The following DNAJB14 variants were observed in gnomAD, a reference collection of about 807,000 sequenced individuals.
The protein encoded by DNAJB14 is dnaJ homolog subfamily B member 14.
In DNAJB14, 22 loss-of-function variants were observed where a neutral mutation model predicts 48.4. The ratio of observed to expected loss-of-function variants is 0.45; its 90% CI spans 0.32 to 0.65. The LOEUF (loss-of-function observed/expected upper bound fraction) is 0.65. DNAJB14 is among the 30% of genes least tolerant of loss of function. The pLI is 0.03. For missense variants in DNAJB14, 319 were observed against 458.8 expected (o/e 0.70, Z 2.78); for synonymous variants, 142 against 158.7 (o/e 0.89, Z 0.79).
rs945884228 is a variant in DNAJB14 at position 99,896,915 on chromosome 4, A to C, written c.*4113T>G. ...CATCCCAGTTTTTACTAACTTACTA[A>C]ACAAGGACATTTCAAGAAATACTTC... On this transcript the variant is annotated 3_prime_UTR_variant, in exon 8 of 8. Transcript: ENST00000442697. 1 of 152,126 alleles carries C rather than the reference A, an allele frequency of 6.6e-6. No homozygotes were observed. Among genetic ancestry groups the C allele is most frequent in the Admixed American group, 6.5e-5 (1 of 15,276 alleles). 9.4% of individuals were successfully genotyped at this position (152,126 alleles called of 1,614,324 possible). A position where few individuals can be genotyped will look rare whatever the true frequency, so the allele number is the denominator to read the frequency against.
intron 3 of DNAJB14, among the ~76,000 whole-genome samples, chr4:99,917,539 C>A (rs1301560950): frequency 6.6e-6 from 1 of 152,184 alleles, no homozygotes; most frequent in Non-Finnish European, 1.5e-5. Context: ...AACATATGAA[C>A]TTTGGGGCAC....
intron 3 of DNAJB14, among the ~76,000 whole-genome samples, chr4:99,913,390 G>A (rs1725735322): frequency 6.6e-6 from 1 of 152,100 alleles, no homozygotes; most frequent in Non-Finnish European, 1.5e-5. Context: ...TCATGAATGG[G>A]TGGTGAAATG....
intron 3 of DNAJB14, among the ~76,000 whole-genome samples, chr4:99,913,274 A>T (rs1200554759): frequency 6.6e-6 from 1 of 152,164 alleles, no homozygotes; most frequent in Non-Finnish European, 1.5e-5. Flanking sequence ...ATAGGGGAAA[A>T]GCATTCAGTC....
rs933586173 is a variant in DNAJB14, at chr4:99,900,216, G to A, written c.*812C>T. ...TTCAAGGACATATACATCAAAATTT[G>A]GTGGCCTTTAAAGTATTGGAATTTT... On this transcript the variant is annotated 3_prime_UTR_variant, in exon 8 of 8. Transcript: ENST00000442697. The A allele has an allele frequency of 2.0e-5, 3 of 152,034 alleles. No homozygotes were observed. Among genetic ancestry groups the A allele is most frequent in the Non-Finnish European group, 4.4e-5 (3 of 67,810 alleles). 9.4% of individuals were successfully genotyped at this position (152,034 alleles called of 1,614,324 possible).
intron 1 of DNAJB14, among the ~76,000 whole-genome samples, 174 bp from the exon 2 acceptor site, chr4:99,930,795 A>C (rs897503896): frequency 3.9e-5 from 6 of 152,204 alleles, no homozygotes; most frequent in Non-Finnish European, 5.9e-5. Flanking sequence ...ACAGAACACT[A>C]ATCACCATCT....
chr4:99,942,761 C>T (rs1292043872), intron 1 of DNAJB14, among the ~76,000 whole-genome samples: 1 of 152,004 alleles, frequency 6.6e-6, no homozygotes, highest in Non-Finnish European at 1.5e-5. Context: ...TTTAAGAGGA[C>T]AAAAATCCTG....
At chr4:99,906,871 GGTTTT>G (rs1408547693) in intron 4 of DNAJB14, among the ~76,000 whole-genome samples, 1 of 151,966 alleles carries the variant, frequency 6.6e-6, no homozygotes, top group Admixed American at 6.6e-5. Context: ...CACACATAGA[GGTTTT>G]TATAAACCTC....
intron 1 of DNAJB14, among the ~76,000 whole-genome samples, chr4:99,940,166 A>G (rs1726837381): frequency 6.6e-6 from 1 of 152,260 alleles, no homozygotes; most frequent in South Asian, 2.1e-4. Flanking sequence ...TTGCACTCCT[A>G]TATAATGTCC....
At chr4:99,932,898 G>C (rs1726528960) in intron 1 of DNAJB14, among the ~76,000 whole-genome samples, 1 of 152,156 alleles carries the variant, frequency 6.6e-6, no homozygotes, top group African/African-American at 2.4e-5. Flanking sequence ...ATACTATACG[G>C]TTCCGTTTAT....
intron 2 of DNAJB14, chr4:99,929,294 T>C (rs1726372203): frequency 3.3e-5 from 5 of 152,266 alleles, no homozygotes; most frequent in Admixed American, 3.3e-4. Flanking sequence ...GGTTTTGCCA[T>C]GTTGGCCAGG....
chr4:99,924,621 A>G, intron 2 of DNAJB14: 2 of 988,380 alleles, frequency 2.0e-6, no homozygotes, highest in Non-Finnish European at 2.9e-6. Context: ...ATGCCCAGAC[A>G]GTGTTCTAGG....
intron 2 of DNAJB14, chr4:99,926,573 G>A (rs571107345): frequency 2.6e-5 from 4 of 152,052 alleles, no homozygotes; most frequent in Non-Finnish European, 5.9e-5. Context: ...TGAGTGTGTA[G>A]GATGTTTAAT....
chr4:99,922,790 CA>C, intron 3 of DNAJB14: 1 of 319,294 alleles, frequency 3.1e-6, no homozygotes, highest in Middle Eastern at 8.9e-4. Flanking sequence ...AACAAGAAAG[CA>C]TGCATATGTG....
At chr4:99,943,819 C>G (rs182081393) in intron 1 of DNAJB14, among the ~76,000 whole-genome samples, 1 of 152,070 alleles carries the variant, frequency 6.6e-6, no homozygotes, top group Non-Finnish European at 1.5e-5. Context: ...AAATAATTAA[C>G]TCCTGGCAAT....
chr4:99,900,842 T>G lies in DNAJB14; in HGVS notation c.*186A>C, dbSNP rs1307055085. The G allele has an allele frequency of 2.2e-6, 1 of 448,910 alleles. No homozygotes were observed. Among genetic ancestry groups the G allele is most frequent in the African/African-American group, 2.0e-5 (1 of 49,050 alleles). 27.8% of individuals were successfully genotyped at this position (448,910 alleles called of 1,614,324 possible). The stretch of plus-strand genomic sequence containing the variant: ...ACTTGTAGAAGCGTTAACTAAAATA[T>G]TCCATTTTAGTTTTCAGTTACTATT... On this transcript the variant is annotated 3_prime_UTR_variant, in exon 8 of 8. Transcript: ENST00000442697.
chr4:99,926,914 ATT>A (rs1726279141), intron 2 of DNAJB14: 1 of 152,182 alleles, frequency 6.6e-6, no homozygotes, highest in African/African-American at 2.4e-5. Flanking sequence ...AAGACTATGT[ATT>A]TGAAGTAATG....
chr4:99,941,510 A>G (rs574673373), intron 1 of DNAJB14, among the ~76,000 whole-genome samples: 5 of 152,168 alleles, frequency 3.3e-5, no homozygotes, highest in Non-Finnish European at 7.4e-5. Flanking sequence ...TGCGAAGATT[A>G]CAAATGAGAA....
intron 4 of DNAJB14, among the ~76,000 whole-genome samples, chr4:99,908,349 T>C (rs1054666556): frequency 1.1e-4 from 17 of 152,106 alleles, no homozygotes; most frequent in Admixed American, 1.3e-4. Context: ...CAAAGATCTC[T>C]AGGGAAGCAA....
chr4:99,922,491 T>C (rs1726095205), intron 3 of DNAJB14: 1 of 151,948 alleles, frequency 6.6e-6, no homozygotes, highest in South Asian at 2.1e-4. Context: ...ATTTAAAGAA[T>C]ATTGGGATGG....
Sources: allele counts gnomAD v4.1 joint callset (sites outside exome capture counted in the v4.1 genomes callset), GRCh38; gene constraint gnomAD v4.1.1; transcripts MANE v1.5; gene names NCBI Gene and HGNC (gene_info 2026-07-23, HGNC 2026-07-21).